Variants in CFAP20DC observed in about 807,000 individuals in gnomAD.
CFAP20DC encodes the protein CFAP20 domain containing.
A neutral mutation model predicts 101.7 loss-of-function variants in CFAP20DC; 84 were observed. The observed-to-expected ratio is 0.83, with a 90% CI of 0.69 to 0.99. CFAP20DC has a LOEUF of 0.99. Ranked by LOEUF, CFAP20DC falls within the 50% of genes least tolerant of loss-of-function variation. The pLI is 0.00. For missense variants in CFAP20DC, 1,007 were observed against 970.3 expected (o/e 1.04, Z -0.50); for synonymous variants, 359 against 351.2 (o/e 1.02, Z -0.25).
intron 4 of CFAP20DC, among the ~76,000 whole-genome samples, chr3:58,972,838 GCA>G (rs1210799834): frequency 6.6e-6 from 1 of 152,112 alleles, no homozygotes; most frequent in East Asian, 1.9e-4. Flanking sequence ...TTCCTAGAAG[GCA>G]CAGTCTATTA....
chr3:58,996,872 A>T (rs2093151644), intron 4 of CFAP20DC, among the ~76,000 whole-genome samples: 1 of 152,236 alleles, frequency 6.6e-6, no homozygotes, highest in African/African-American at 2.4e-5. Flanking sequence ...TCCAACAGGC[A>T]TGCCCACTGG....
intron 14 of CFAP20DC, among the ~76,000 whole-genome samples, chr3:58,812,673 T>A (rs2074759040): frequency 6.6e-6 from 1 of 151,744 alleles, no homozygotes; most frequent in African/African-American, 2.4e-5. Context: ...ACCTGCACAT[T>A]GTGCACATGT....
chr3:59,019,363 C>T (rs1010066701), intron 4 of CFAP20DC, among the ~76,000 whole-genome samples: 1 of 151,862 alleles, frequency 6.6e-6, no homozygotes, highest in East Asian at 1.9e-4. Flanking sequence ...TTACAGGTGA[C>T]GCACGAGTTC....
At chr3:59,028,805 A>T (rs554619868) in intron 4 of CFAP20DC, among the ~76,000 whole-genome samples, 1 of 152,218 alleles carries the variant, frequency 6.6e-6, no homozygotes, top group Non-Finnish European at 1.5e-5. Flanking sequence ...TGCTGATGTC[A>T]TAAGTGCTTA....
At chr3:58,968,805 TG>T (rs1471431407) in intron 4 of CFAP20DC, among the ~76,000 whole-genome samples, 1 of 152,184 alleles carries the variant, frequency 6.6e-6, no homozygotes, top group African/African-American at 2.4e-5. Context: ...AGGATAATAT[TG>T]CCTAGGTTGT....
intron 4 of CFAP20DC, among the ~76,000 whole-genome samples, chr3:58,980,891 A>C (rs979550253): frequency 4.6e-5 from 7 of 152,222 alleles, no homozygotes; most frequent in African/African-American, 9.6e-5. Context: ...AAGGGTATTC[A>C]ATTAGGAAAA....
At chr3:58,979,332 T>A (rs1435480205) in intron 4 of CFAP20DC, among the ~76,000 whole-genome samples, 2 of 152,236 alleles carry the variant, frequency 1.3e-5, no homozygotes, top group South Asian at 2.1e-4. Context: ...GTCTCTATCT[T>A]GTAAAATTGC....
chr3:58,887,320 T>C (rs1371899261), intron 6 of CFAP20DC: 1 of 152,206 alleles, frequency 6.6e-6, no homozygotes, highest in Non-Finnish European at 1.5e-5. Flanking sequence ...TCCTTTGAGA[T>C]AGAAGAAGAT....
At chr3:58,891,244 G>C (rs1303578320) in intron 6 of CFAP20DC, among the ~76,000 whole-genome samples, 1 of 151,754 alleles carries the variant, frequency 6.6e-6, no homozygotes, top group Non-Finnish European at 1.5e-5. Context: ...CCAACACAGC[G>C]AAACCCCGTC....
At chr3:58,890,467 G>A (rs1312894415) in intron 6 of CFAP20DC, among the ~76,000 whole-genome samples, 1 of 142,662 alleles carries the variant, frequency 7.0e-6, no homozygotes, top group Non-Finnish European at 1.6e-5. Flanking sequence ...CCCGGACGGG[G>A]CGGCTGGTCG....
chr3:59,032,595 G>A (rs1307830614), intron 4 of CFAP20DC, among the ~76,000 whole-genome samples: 1 of 152,198 alleles, frequency 6.6e-6, no homozygotes, highest in Non-Finnish European at 1.5e-5. Flanking sequence ...ATTCGAACTA[G>A]GCAGAGACCA....
intron 4 of CFAP20DC, among the ~76,000 whole-genome samples, chr3:59,022,389 C>G (rs1258293722): frequency 2.0e-5 from 3 of 151,870 alleles, no homozygotes; most frequent in Admixed American, 1.3e-4. Flanking sequence ...TGTAGATGCT[C>G]TATAATAGAG....
intron 6 of CFAP20DC, among the ~76,000 whole-genome samples, chr3:58,895,360 TC>T (rs1244416588): frequency 6.6e-6 from 1 of 152,204 alleles, no homozygotes; most frequent in African/African-American, 2.4e-5. Flanking sequence ...AGAAATTTCT[TC>T]CACCAGATAC....
intron 5 of CFAP20DC, among the ~76,000 whole-genome samples, chr3:58,931,147 G>A (rs531461039): frequency 1.3e-5 from 2 of 152,166 alleles, no homozygotes; most frequent in African/African-American, 4.8e-5. Context: ...AGGGTCCTAC[G>A]CCCACGGAGT....
chr3:58,907,905 A>T (rs2083766869), intron 6 of CFAP20DC, among the ~76,000 whole-genome samples: 1 of 152,192 alleles, frequency 6.6e-6, no homozygotes, highest in Non-Finnish European at 1.5e-5. Context: ...CCCCGTGTCT[A>T]TTCAGAACAT....
intron 13 of CFAP20DC, among the ~76,000 whole-genome samples, chr3:58,845,842 T>A (rs867688664): frequency 1.3e-5 from 2 of 150,902 alleles, no homozygotes; most frequent in Non-Finnish European, 3.0e-5. Context: ...ATCCCTGGGT[T>A]GCAAGGCTGG....
chr3:58,760,155 C>A (rs968255589), intron 15 of CFAP20DC, among the ~76,000 whole-genome samples: 1 of 152,210 alleles, frequency 6.6e-6, no homozygotes, highest in African/African-American at 2.4e-5. Context: ...ACTGATTCTT[C>A]CTACCCATGA....
intron 15 of CFAP20DC, among the ~76,000 whole-genome samples, chr3:58,758,939 G>T (rs1002985927): frequency 2.6e-5 from 4 of 152,082 alleles, no homozygotes; most frequent in Non-Finnish European, 5.9e-5. Flanking sequence ...GTCTATCATT[G>T]TTGGACATTT....
intron 13 of CFAP20DC, among the ~76,000 whole-genome samples, chr3:58,835,525 T>A (rs1024141535): frequency 6.6e-6 from 1 of 152,196 alleles, no homozygotes; most frequent in African/African-American, 2.4e-5. Flanking sequence ...AGAAACTTAC[T>A]GAGACCCTAT....
Sources: gnomAD v4.1 joint callset for allele counts (sites outside exome capture counted in the v4.1 genomes callset) on GRCh38, gnomAD v4.1.1 for gene constraint, MANE v1.5 for transcripts, NCBI Gene and HGNC (gene_info 2026-07-23, HGNC 2026-07-21) for gene names.